The following RNF4 variants were observed in gnomAD, a reference collection of about 807,000 sequenced individuals.
RNF4 encodes ring finger protein 4.
RNF4 carries 7 observed loss-of-function variants against 24.3 expected under a neutral mutation model. The observed-to-expected ratio is 0.29, with a 90% CI of 0.16 to 0.54. The LOEUF (loss-of-function observed/expected upper bound fraction) is 0.54. Ranked by LOEUF, RNF4 falls within the 20% of genes least tolerant of loss-of-function variation. RNF4 has a pLI of 0.95. For missense variants in RNF4, 209 were observed against 248.5 expected (o/e 0.84, Z 1.07); for synonymous variants, 83 against 84.3 (o/e 0.98, Z 0.09).
intron 1 of RNF4, among the ~76,000 whole-genome samples, chr4:2,475,378 G>A (rs923154939): frequency 9.2e-5 from 14 of 151,734 alleles, no homozygotes; most frequent in African/African-American, 2.2e-4. Flanking sequence ...TCACTCTGCC[G>A]CCCAGGCTGG....
At chr4:2,483,175 G>A (rs1237260670) in intron 1 of RNF4, among the ~76,000 whole-genome samples, 1 of 152,132 alleles carries the variant, frequency 6.6e-6, no homozygotes, top group Non-Finnish European at 1.5e-5. Flanking sequence ...CCCATTCCTA[G>A]CCCCTGGAGC....
intron 4 of RNF4, chr4:2,505,596 A>T (rs1259598038): frequency 6.6e-6 from 1 of 150,962 alleles, no homozygotes; most frequent in East Asian, 1.9e-4. Context: ...AAGTGCTGGG[A>T]TTATAGGTGT....
chr4:2,500,605 A>G, intron 3 of RNF4, 54 bp from the exon 4 acceptor site: 2 of 1,574,198 alleles, frequency 1.3e-6, no homozygotes, highest in Non-Finnish European at 1.7e-6. Flanking sequence ...GTAGAGGGAT[A>G]CAACCTTACT....
intron 3 of RNF4, among the ~76,000 whole-genome samples, chr4:2,498,976 C>G (rs909408162): frequency 6.6e-6 from 1 of 152,092 alleles, no homozygotes; most frequent in South Asian, 2.1e-4. Flanking sequence ...GCGTGCAGAT[C>G]ACCTGAGGTC....
chr4:2,490,751 C>T (rs1005705270), intron 2 of RNF4: 2 of 428,870 alleles, frequency 4.7e-6, no homozygotes, highest in African/African-American at 3.9e-5. Context: ...GTTTGGTAAT[C>T]TCAGACCTTC....
intron 1 of RNF4, among the ~76,000 whole-genome samples, chr4:2,474,979 A>C (rs533652983): frequency 6.6e-6 from 1 of 152,262 alleles, no homozygotes; most frequent in South Asian, 2.1e-4. Flanking sequence ...GTGAGCCAAG[A>C]TTGCGCCGTT....
Position 2,512,514 on chromosome 4 carries a change from T to A in RNF4, c.291T>A (p.Asp97Glu). Residue 97 changes from aspartate to glutamate, a missense_variant, in exon 6 of 8, where the codon GAT (aspartate) becomes GAA (glutamate). Asp to Glu is a conservative substitution (Grantham distance 45). Coordinates refer to ENST00000314289, the MANE Select transcript of RNF4 (RefSeq NM_002938.5). This position sits in a 1 kb window ranked among gnomAD's most constrained non-coding sequence, Gnocchi z 4.1. ...HADSCVVSSDDEELSRDRDVY... is the reference protein window; with the variant it reads ...HADSCVVSSDEEELSRDRDVY... Reference sequence around the variant, plus strand: ...ACAGCTGTGTGGTGAGCAGTGACGATGAGGAGTTGTCCAGGGACAGAGACG... The same window carrying A: ...ACAGCTGTGTGGTGAGCAGTGACGAAGAGGAGTTGTCCAGGGACAGAGACG... 6.2e-7 allele frequency: 1 copy of A among 1,613,824 alleles called. No individual in the cohort carries two copies. The highest frequency in any genetic ancestry group is 8.5e-7 in the Non-Finnish European group (1 of 1,179,818).
chr4:2,492,406 C>T (rs1040213109), intron 2 of RNF4, among the ~76,000 whole-genome samples: 4 of 152,122 alleles, frequency 2.6e-5, no homozygotes, highest in African/African-American at 9.7e-5. Flanking sequence ...CTTGAGCTCT[C>T]GAGGAGATTA....
intron 3 of RNF4, among the ~76,000 whole-genome samples, chr4:2,499,836 C>G (rs1180324580): frequency 6.6e-6 from 1 of 152,000 alleles, no homozygotes; most frequent in African/African-American, 2.4e-5. Flanking sequence ...ACTAGGGAGA[C>G]AAACTTGAGA....
intron 1 of RNF4, among the ~76,000 whole-genome samples, chr4:2,479,378 C>G (rs970201539): frequency 1.4e-4 from 22 of 151,854 alleles, no homozygotes; most frequent in African/African-American, 5.3e-4. Context: ...TTGGGAGGGG[C>G]CAGGGGTGGA....
At chr4:2,488,249 G>C (rs1036436483) in intron 1 of RNF4, among the ~76,000 whole-genome samples, 1 of 152,166 alleles carries the variant, frequency 6.6e-6, no homozygotes, top group African/African-American at 2.4e-5. Context: ...GATCACCTGA[G>C]GTCAGAAGTT....
chr4:2,475,088 C>G (rs1735027462), intron 1 of RNF4, among the ~76,000 whole-genome samples: 1 of 152,202 alleles, frequency 6.6e-6, no homozygotes, highest in African/African-American at 2.4e-5. Context: ...CTGCCCTGAT[C>G]CATGAGCAGC....
At chr4:2,490,681 A>G (rs1735553170) in intron 2 of RNF4, 179 bp downstream of exon 2, 1 of 598,488 alleles carries the variant, frequency 1.7e-6, no homozygotes, top group Non-Finnish European at 2.9e-6. Context: ...ACATTGAGCT[A>G]CATTCGAGTC....
chr4:2,494,264 C>A (rs1735668412), intron 2 of RNF4, among the ~76,000 whole-genome samples: 1 of 151,980 alleles, frequency 6.6e-6, no homozygotes, highest in Non-Finnish European at 1.5e-5. Flanking sequence ...ATAAAGGAGA[C>A]AGGGTTATTT....
intron 1 of RNF4, among the ~76,000 whole-genome samples, chr4:2,484,903 G>C (rs1382622822): frequency 6.6e-6 from 1 of 152,030 alleles, no homozygotes; most frequent in Admixed American, 6.6e-5. Flanking sequence ...CAGGTGACAT[G>C]GTCTCTAAAT....
At chr4:2,473,812 A>C (rs1278089399) in intron 1 of RNF4, among the ~76,000 whole-genome samples, 1 of 149,784 alleles carries the variant, frequency 6.7e-6, no homozygotes, top group East Asian at 2.0e-4. Context: ...CTCTGTCTAG[A>C]AAAAAAAAAG....
intron 1 of RNF4, among the ~76,000 whole-genome samples, chr4:2,471,560 G>A (rs932284280): frequency 1.7e-4 from 26 of 151,850 alleles, no homozygotes; most frequent in East Asian, 1.5e-3. Context: ...TGAGAAAGGC[G>A]TATCAAAAGT....
chr4:2,507,170 C>T (rs1736128361), intron 4 of RNF4, among the ~76,000 whole-genome samples: 1 of 139,856 alleles, frequency 7.2e-6, no homozygotes, highest in Non-Finnish European at 1.6e-5. Context: ...AGAAAGGATG[C>T]TTGATAAAGG....
chr4:2,489,390 G>A (rs888086553), intron 1 of RNF4, among the ~76,000 whole-genome samples: 2 of 152,172 alleles, frequency 1.3e-5, no homozygotes, highest in Admixed American at 1.3e-4. Flanking sequence ...CGTTCCTGTC[G>A]TTTCCGCCAC....
Sources: allele counts gnomAD v4.1 joint callset (sites outside exome capture counted in the v4.1 genomes callset), GRCh38; gene constraint gnomAD v4.1.1; non-coding constraint Gnocchi (gnomAD v3.1); transcripts MANE v1.5; gene names NCBI Gene and HGNC (gene_info 2026-07-23, HGNC 2026-07-21).